NUP205: variants seen among roughly 807,000 people sequenced by gnomAD.
NUP205 encodes nucleoporin 205.
A neutral mutation model predicts 253.8 loss-of-function variants in NUP205; 76 were observed. That is an observed-to-expected ratio of 0.30 (90% CI 0.25 to 0.36). NUP205 has a LOEUF of 0.36. Among genes scored for constraint, NUP205 ranks in the 10% least tolerant of loss-of-function variants. NUP205 has a pLI of 1.00. For missense variants in NUP205, 2,162 were observed against 2,425.5 expected, an observed-to-expected ratio of 0.89 and a Z score of 2.28; for synonymous variants, 832 against 850.1, an observed-to-expected ratio of 0.98 and a Z score of 0.37.
chr7:135,627,851 C>A, intron 33 of NUP205, 122 bp from the exon 34 acceptor site: 1 of 900,254 alleles, frequency 1.1e-6, no homozygotes, highest in Non-Finnish European at 1.8e-6. Flanking sequence ...ATGCAGAGTA[C>A]TCACTAGTTG....
chr7:135,616,142 A>G, intron 24 of NUP205, 77 bp downstream of exon 24: 1 of 1,359,444 alleles, frequency 7.4e-7, no homozygotes, highest in South Asian at 1.4e-5. Flanking sequence ...GCTTGTGCTT[A>G]GTATGTGACT....
At position 135,625,333 on chromosome 7, in the gene NUP205, T is replaced by TTTAAATTTAAAAGA. The variant is rs1794564821; in HGVS notation, c.4652_4653insAATTTAAAAGATTA (p.Tyr1551Ter). 1.9e-6 allele frequency: 3 copies of TTTAAATTTAAAAGA among 1,599,510 alleles called. No individual in the cohort carries two copies. Among genetic ancestry groups the TTTAAATTTAAAAGA allele is most frequent in the Non-Finnish European group, 2.6e-6 (3 of 1,175,444 alleles). On this transcript the variant is annotated stop_gained and frameshift_variant, in exon 32 of 43. Coordinates refer to ENST00000285968, the MANE Select transcript of NUP205 (RefSeq NM_015135.3). LOFTEE classifies it high-confidence loss of function. ...CCACAGCCTCCCCTTTTAAAAGCAC[T>TTTAAATTTAAAAGA]TTATACTTATGAATCTAAAATGGTA...
At chr7:135,628,611 A>AT (rs1159588188) in intron 34 of NUP205, among the ~76,000 whole-genome samples, 2 of 152,230 alleles carry the variant, frequency 1.3e-5, no homozygotes, top group African/African-American at 4.8e-5. Flanking sequence ...AATTAGTTTT[A>AT]TTTTGATTAC....
Position 135,614,203 on chromosome 7 carries a change from T to C in NUP205, c.3240T>C (p.Thr1080=). 6.2e-7 allele frequency: 1 copy of C among 1,612,456 alleles called. No homozygotes were observed. ...CATGCTCTGATACATCTGGTCCTACTATGAGGTACTTGAGAACCAGCCAGG... is the reference window on the plus strand; with the variant it reads ...CATGCTCTGATACATCTGGTCCTACCATGAGGTACTTGAGAACCAGCCAGG... ...LCACSDTSGP[T]MRYLRTSQDF... is the part of the protein sequence containing the mutation. Residue 1080 remains threonine (T), a synonymous_variant, in exon 23 of 43, where the codon ACT becomes ACC. Coordinates refer to ENST00000285968, the MANE Select transcript of NUP205 (RefSeq NM_015135.3).
In NUP205 at chr7:135,576,970, C is replaced by T. The variant is rs150542529; in HGVS notation, c.490C>T (p.Pro164Ser). Residue 164 changes from proline to serine, a missense_variant and splice_region_variant, in exon 5 of 43, where the codon CCA (proline) becomes TCA (serine). Around this residue, in one of 5 missense-constraint regions of NUP205, gnomAD observed 892 missense variants for 957.1 expected, o/e 0.93. Transcript: ENST00000285968. Reference protein sequence around the residue: ...RGKTWTLELSPELASMTTRFT... With the variant: ...RGKTWTLELSSELASMTTRFT... ...TTTATTGATTTCTTTTCATTACAGT[C>T]CAGAGCTGGCTTCCATGACAACACG... is the stretch of plus-strand genomic sequence containing the variant. 291 of 1,611,716 alleles carry T rather than the reference C, an allele frequency of 1.8e-4. No homozygotes were observed. The African/African-American group carries it at 3.6e-3, about 20-fold the overall frequency.
chr7:135,619,915 T>C, intron 30 of NUP205, 27 bp downstream of exon 30: 1 of 1,411,944 alleles, frequency 7.1e-7, no homozygotes, highest in South Asian at 1.2e-5. Context: ...TCCTAATCTT[T>C]TCTGGATTGG....
rs753080955 is a variant in NUP205, at chr7:135,617,274, T to G, written c.3690+27T>G. On this transcript the variant is annotated intron_variant, in intron 26 of 42. Coordinates refer to ENST00000285968, the MANE Select transcript of NUP205 (RefSeq NM_015135.3). ...TGAGGATTGCTTTAAAGTACATATC[T>G]GCAGTGTCAAGTGGCTCAGACTTTA... 3.1e-6 allele frequency: 5 copies of G among 1,599,520 alleles called. No homozygotes were observed. In the Admixed American group the frequency reaches 8.6e-5, roughly 28 times the overall value.
chr7:135,640,084 G>A (rs753649329), intron 38 of NUP205, among the ~76,000 whole-genome samples: 13 of 152,202 alleles, frequency 8.5e-5, no homozygotes, highest in Admixed American at 2.6e-4. Flanking sequence ...GGGAGGGATA[G>A]CATTAGGACA....
chr7:135,597,874 C>T (rs1793878458), intron 14 of NUP205, 124 bp from the exon 15 acceptor site: 4 of 766,134 alleles, frequency 5.2e-6, no homozygotes, highest in Non-Finnish European at 8.5e-6. Context: ...AAATGAAAAA[C>T]AGAAATATCT....
chr7:135,635,639 A>C lies in NUP205; in HGVS notation c.5118A>C (p.Gly1706=), dbSNP rs1794796163. ...VNEGSLMELQ[G]HIGRFQRQCL... The stretch of plus-strand genomic sequence containing the variant: ...AAGGGTCTCTAATGGAGCTACAGGG[A>C]CATATTGGAAGATTCCAGGTAACTG... Residue 1706 remains glycine (G), a synonymous_variant, in exon 36 of 43, where the codon GGA becomes GGC. Transcript: ENST00000285968. The C allele has an allele frequency of 3.8e-6, 6 of 1,583,828 alleles. No individual in the cohort carries two copies. The highest frequency in any genetic ancestry group is 1.3e-5 in the African/African-American group (1 of 74,400).
chr7:135,579,567 A>C (rs1806249166), intron 7 of NUP205, among the ~76,000 whole-genome samples: 1 of 152,154 alleles, frequency 6.6e-6, no homozygotes. Context: ...TTTGTTCACA[A>C]ACTAGTTTTT....
In NUP205 at chr7:135,573,791, T is replaced by C. The variant is rs1252899788; in HGVS notation, c.309T>C (p.Ile103=). Residue 103 remains isoleucine, a synonymous_variant, in exon 3 of 43, where the codon ATT becomes ATC. Transcript: ENST00000285968. Reference sequence around the variant, plus strand: ...TTATTCTCAGTGACCTTTTTGATATTGGAGAATTGGCAGCTGTTGAGCTTC... The same window carrying C: ...TTATTCTCAGTGACCTTTTTGATATCGGAGAATTGGCAGCTGTTGAGCTTC... ...EAFILSDLFD[I]GELAAVELLL... The C allele has an allele frequency of 6.2e-7, 1 of 1,613,188 alleles. No individual in the cohort carries two copies. Among genetic ancestry groups the C allele is most frequent in the Middle Eastern group, 1.6e-4 (1 of 6,080 alleles).
chr7:135,591,916 T>C (rs558653384), intron 11 of NUP205, among the ~76,000 whole-genome samples: 1 of 152,334 alleles, frequency 6.6e-6, no homozygotes, highest in African/African-American at 2.4e-5. Flanking sequence ...CTTATAAGTT[T>C]GATTAATTTA....
chr7:135,610,163 T>C (rs1794192209), intron 22 of NUP205, among the ~76,000 whole-genome samples: 1 of 152,234 alleles, frequency 6.6e-6, no homozygotes, highest in Non-Finnish European at 1.5e-5. Flanking sequence ...AACACTCTAC[T>C]AGCCAAGGAA....
At chr7:135,645,861 A>G (rs1356694880) in intron 41 of NUP205, 1 of 575,484 alleles carries the variant, frequency 1.7e-6, no homozygotes, top group Admixed American at 3.1e-5. Flanking sequence ...CAGCTCTAGA[A>G]GAATGGAGGA....
At chr7:135,637,548 C>T (rs1263627039) in intron 36 of NUP205, among the ~76,000 whole-genome samples, 1 of 152,172 alleles carries the variant, frequency 6.6e-6, no homozygotes, top group Non-Finnish European at 1.5e-5. Context: ...AAAATTATCA[C>T]AAACGTGTCC....
chr7:135,614,085 T>C, intron 22 of NUP205, 74 bp from the exon 23 acceptor site: 1 of 822,988 alleles, frequency 1.2e-6, no homozygotes, highest in South Asian at 1.6e-5. Context: ...TAGGTCTAAG[T>C]TCATATTTTG....
At position 135,648,273 on chromosome 7, in the gene NUP205, A is replaced by G. The variant is rs116234690; in HGVS notation, c.5887-131A>G. The G allele has an allele frequency of 8.4e-4, 632 of 755,230 alleles. 4 individuals carry two copies. The African/African-American group carries it at 0.011, about 13-fold the overall frequency. The allele number at this position is 755,230 out of a possible 1,614,324, so 46.8% of individuals were successfully genotyped here. ...TTAGTTAATTTAGTAACACATTACA[A>G]AAATTCAAAAGTATTTACATTGAAA... On this transcript the variant is annotated intron_variant, in intron 42 of 42. Transcript: ENST00000285968.
intron 32 of NUP205, 142 bp downstream of exon 32, chr7:135,625,497 G>GGA: frequency 1.6e-6 from 1 of 634,482 alleles, no homozygotes; most frequent in East Asian, 3.1e-5. Flanking sequence ...TTTAAACTTT[G>GGA]GAATCTTCCT....
Sources: gnomAD v4.1 joint callset for allele counts (sites outside exome capture counted in the v4.1 genomes callset) on GRCh38, gnomAD v4.1.1 for gene constraint, gnomAD v4.1.1 regional missense constraint, MANE v1.5 for transcripts, NCBI Gene and HGNC (gene_info 2026-07-23, HGNC 2026-07-21) for gene names.